The following TOPAZ1 variants were observed in gnomAD, a reference collection of about 807,000 sequenced individuals.
TOPAZ1 encodes the protein testis and ovary specific TOPAZ 1, also known as protein TOPAZ1.
A neutral mutation model predicts 172.2 loss-of-function variants in TOPAZ1; 66 were observed. The observed-to-expected ratio is 0.38, with a 90% CI of 0.31 to 0.47. TOPAZ1 has a LOEUF of 0.47. TOPAZ1 is among the 20% of genes least tolerant of loss of function. TOPAZ1 has a pLI of 0.99. For synonymous variants in TOPAZ1, 681 were observed against 683.9 expected (o/e 1.00, Z 0.07); for missense variants, 1,822 against 1,972.4 (o/e 0.92, Z 1.44).
At chr3:44,299,858 A>C (rs1317866101) in intron 12 of TOPAZ1, among the ~76,000 whole-genome samples, 1 of 147,042 alleles carries the variant, frequency 6.8e-6, no homozygotes, top group Non-Finnish European at 1.5e-5. Context: ...AAGAACAAAA[A>C]ACCAAACACC....
At chr3:44,318,429 G>T (rs1700474658) in intron 16 of TOPAZ1, among the ~76,000 whole-genome samples, 1 of 146,754 alleles carries the variant, frequency 6.8e-6, no homozygotes, top group South Asian at 2.2e-4. Flanking sequence ...TCCAGCCCGG[G>T]TGACAGACTG....
chr3:44,285,316 A>C (rs559475816), intron 9 of TOPAZ1, among the ~76,000 whole-genome samples: 2 of 152,088 alleles, frequency 1.3e-5, no homozygotes, highest in South Asian at 4.2e-4. Flanking sequence ...AATTTAAAAA[A>C]TTAGCCAGGC....
At chr3:44,298,608 C>A (rs11717949) in intron 12 of TOPAZ1, among the ~76,000 whole-genome samples, 53,093 of 151,268 alleles carry the variant, frequency 0.35, 10,153 homozygotes, top group African/African-American at 0.47. Context: ...CAGGAATAAA[C>A]CACTACTAAT....
At chr3:44,301,560 G>T (rs980372527) in intron 12 of TOPAZ1, among the ~76,000 whole-genome samples, 3 of 152,068 alleles carry the variant, frequency 2.0e-5, no homozygotes, top group African/African-American at 7.2e-5. Flanking sequence ...TTCAATGTTT[G>T]CCAATCTATT....
chr3:44,328,241 A>AT lies in TOPAZ1; in HGVS notation c.4676-4dup. 6.8e-7 allele frequency: 1 copy of AT among 1,466,556 alleles called. No individual in the cohort carries two copies. Among genetic ancestry groups the AT allele is most frequent in the Non-Finnish European group, 9.0e-7 (1 of 1,114,064 alleles). The allele number at this position is 1,466,556 out of a possible 1,614,324, so 90.8% of individuals were successfully genotyped here. A position where few individuals can be genotyped will look rare whatever the true frequency, so the allele number is the denominator to read the frequency against. On this transcript the variant is annotated splice_polypyrimidine_tract_variant and intron_variant, in intron 18 of 19. Coordinates refer to ENST00000309765, the MANE Select transcript of TOPAZ1 (RefSeq NM_001145030.2). The stretch of plus-strand genomic sequence containing the variant: ...TTAGTAAAGTTTGACCTATTATTTG[A>AT]TTTTTCAGGTGCTCTTTCCTTGGGT...
chr3:44,298,131 G>A (rs1446750534), intron 12 of TOPAZ1, among the ~76,000 whole-genome samples: 4 of 152,120 alleles, frequency 2.6e-5, no homozygotes, highest in Non-Finnish European at 1.5e-5. Context: ...TAAAATTTAT[G>A]TGCAAAGGTA....
intron 5 of TOPAZ1, among the ~76,000 whole-genome samples, chr3:44,264,521 G>A (rs1272697955): frequency 6.6e-6 from 1 of 152,178 alleles, no homozygotes; most frequent in African/African-American, 2.4e-5. Context: ...GTTGATGGCT[G>A]CTTACTGAAT....
intron 8 of TOPAZ1, among the ~76,000 whole-genome samples, chr3:44,275,690 A>AT (rs1014122613): frequency 1.8e-4 from 28 of 151,488 alleles, no homozygotes; most frequent in African/African-American, 5.1e-4. Flanking sequence ...TAATTTACTA[A>AT]TTTTTTTTTC....
intron 12 of TOPAZ1, among the ~76,000 whole-genome samples, chr3:44,300,439 A>G (rs963101921): frequency 6.9e-6 from 1 of 145,196 alleles, no homozygotes; most frequent in Non-Finnish European, 1.5e-5. Flanking sequence ...AAAAAGAAAG[A>G]AAAGAAAATG....
chr3:44,289,017 C>G (rs1700107665), intron 11 of TOPAZ1, among the ~76,000 whole-genome samples: 1 of 152,154 alleles, frequency 6.6e-6, no homozygotes, highest in Non-Finnish European at 1.5e-5. Flanking sequence ...ATGTATTTAA[C>G]AAAAATATCA....
At chr3:44,310,487 A>T (rs1292450278) in intron 16 of TOPAZ1, among the ~76,000 whole-genome samples, 2 of 152,122 alleles carry the variant, frequency 1.3e-5, no homozygotes, top group South Asian at 2.1e-4. Flanking sequence ...CAACAGAACG[A>T]GACTCCATCT....
chr3:44,249,337 G>A (rs1699603127), intron 2 of TOPAZ1, among the ~76,000 whole-genome samples: 1 of 151,948 alleles, frequency 6.6e-6, no homozygotes, highest in South Asian at 2.1e-4. Context: ...AAGAATGAAA[G>A]AAATCTTGGA....
At chr3:44,290,746 C>G in intron 11 of TOPAZ1, 25 bp from the exon 12 acceptor site, 1 of 1,434,450 alleles carries the variant, frequency 7.0e-7, no homozygotes, top group Non-Finnish European at 9.5e-7. Flanking sequence ...GTAAGAATAA[C>G]CACTCTTTCT....
chr3:44,333,252 G>T (rs1020893580), downstream of TOPAZ1, among the ~76,000 whole-genome samples: 1 of 152,132 alleles, frequency 6.6e-6, no homozygotes, highest in Admixed American at 6.5e-5. Context: ...GATTACTATC[G>T]ATGAAATGTA....
At chr3:44,299,604 A>G (rs1559542197) in intron 12 of TOPAZ1, among the ~76,000 whole-genome samples, 1 of 152,218 alleles carries the variant, frequency 6.6e-6, no homozygotes, top group African/African-American at 2.4e-5. Context: ...ATTACTGGGT[A>G]TATACCGAAA....
At chr3:44,333,185 A>G (rs1039861961), downstream of TOPAZ1, among the ~76,000 whole-genome samples, 8 of 152,106 alleles carry the variant, frequency 5.3e-5, no homozygotes, top group African/African-American at 1.7e-4. Flanking sequence ...TCATTGGAAT[A>G]AGTCTGTAAC....
intron 12 of TOPAZ1, among the ~76,000 whole-genome samples, chr3:44,291,177 C>G (rs1184867636): frequency 6.6e-6 from 1 of 152,020 alleles, no homozygotes; most frequent in Non-Finnish European, 1.5e-5. Context: ...AATGTACTCT[C>G]TTATATGTGT....
chr3:44,331,846 G>T lies in TOPAZ1; in HGVS notation c.4914G>T (p.Arg1638Ser). The T allele has an allele frequency of 6.4e-7, 1 of 1,552,094 alleles. No homozygotes were observed. ...ATGATTATCAAGCTGCAGTAGAAAG[G>T]TTAATTATGGCTGCTCGTATATCAG... Reference protein sequence around the residue: ...SNDDYQAAVERLIMAARISDP... With the variant: ...SNDDYQAAVESLIMAARISDP... Residue 1638 changes from arginine (R) to serine (S), a missense_variant, in exon 20 of 20, where the codon AGG (arginine) becomes AGT (serine). Coordinates refer to ENST00000309765, the MANE Select transcript of TOPAZ1 (RefSeq NM_001145030.2).
intron 15 of TOPAZ1, 60 bp downstream of exon 15, chr3:44,306,486 A>C: frequency 1.0e-6 from 1 of 997,388 alleles, no homozygotes; most frequent in Admixed American, 2.2e-5. Context: ...AAAATTATGA[A>C]CAGAATATAA....
Sources: gnomAD v4.1 joint callset for allele counts (sites outside exome capture counted in the v4.1 genomes callset) on GRCh38, gnomAD v4.1.1 for gene constraint, MANE v1.5 for transcripts, NCBI Gene and HGNC (gene_info 2026-07-23, HGNC 2026-07-21) for gene names.